AGBL4: variants seen among roughly 807,000 people sequenced by gnomAD.
AGBL4 encodes the protein AGBL carboxypeptidase 4.
A neutral mutation model predicts 66.4 loss-of-function variants in AGBL4; 58 were observed. That is an observed-to-expected ratio of 0.87 (90% confidence interval 0.71 to 1.09). The LOEUF is 1.09. AGBL4 is among the 50% of genes least tolerant of loss of function. The pLI is 0.00. For missense variants in AGBL4, 579 were observed against 631.0 expected (o/e 0.92, Z 0.88); for synonymous variants, 234 against 222.9 (o/e 1.05, Z -0.44).
At chr1:49,107,694 TGAGAGAGAGAGAGAGAGAGAGAGA>T (rs56321932) in intron 4 of AGBL4, among the ~76,000 whole-genome samples, 2 of 113,944 alleles carry the variant, frequency 1.8e-5, no homozygotes, top group African/African-American at 3.9e-5. Flanking sequence ...TGTGTGTGTG[TGAGAGAGAGAGAGAGAGAGAGAGA>T]GAGAGAGAGA....
At chr1:49,975,475 T>A (rs1658480389) in intron 1 of AGBL4, among the ~76,000 whole-genome samples, 1 of 152,180 alleles carries the variant, frequency 6.6e-6, no homozygotes, top group Non-Finnish European at 1.5e-5. Context: ...AAGTAACCAA[T>A]GAAATTCCAC....
chr1:49,405,719 A>AT (rs1200847679), intron 3 of AGBL4, among the ~76,000 whole-genome samples: 1 of 152,212 alleles, frequency 6.6e-6, no homozygotes, highest in Admixed American at 6.5e-5. Flanking sequence ...TGAGTGACAG[A>AT]TTTTGGCCTC....
At chr1:49,613,068 T>C (rs1372512413) in intron 3 of AGBL4, among the ~76,000 whole-genome samples, 2 of 152,156 alleles carry the variant, frequency 1.3e-5, no homozygotes, top group African/African-American at 4.8e-5. Flanking sequence ...AATGAAATCA[T>C]GTATTCTGCA....
intron 4 of AGBL4, among the ~76,000 whole-genome samples, chr1:49,212,331 G>A (rs192575316): frequency 6.6e-6 from 1 of 152,154 alleles, no homozygotes; most frequent in Admixed American, 6.5e-5. Flanking sequence ...CCCATTAGTT[G>A]CAATTCAACA....
At chr1:48,844,034 G>A (rs1315928694) in intron 6 of AGBL4, among the ~76,000 whole-genome samples, 1 of 152,104 alleles carries the variant, frequency 6.6e-6, no homozygotes, top group African/African-American at 2.4e-5. Flanking sequence ...TTATTCCTAA[G>A]CTGTAGAGCT....
intron 2 of AGBL4, among the ~76,000 whole-genome samples, chr1:49,843,576 T>A (rs557893092): frequency 6.6e-6 from 1 of 152,302 alleles, no homozygotes; most frequent in South Asian, 2.1e-4. Context: ...TTCTGCCTCT[T>A]TTCCACATTT....
At chr1:49,889,661 G>A (rs762850782) in intron 1 of AGBL4, among the ~76,000 whole-genome samples, 1 of 152,064 alleles carries the variant, frequency 6.6e-6, no homozygotes, top group Admixed American at 6.6e-5. Flanking sequence ...GGAGGCTGAT[G>A]CAGGAGAATC....
At chr1:48,975,984 CTTTG>C (rs1055355929) in intron 5 of AGBL4, among the ~76,000 whole-genome samples, 2 of 152,068 alleles carry the variant, frequency 1.3e-5, no homozygotes, top group African/African-American at 4.8e-5. Flanking sequence ...TGGTTGTCCA[CTTTG>C]TTTGAACAGA....
chr1:49,562,626 T>TGA (rs1244477817), intron 3 of AGBL4, among the ~76,000 whole-genome samples: 13 of 152,122 alleles, frequency 8.5e-5, no homozygotes, highest in African/African-American at 4.8e-5. Context: ...TGTAGATATA[T>TGA]GGCATTATTT....
At chr1:48,900,036 T>C (rs3127565) in intron 5 of AGBL4, among the ~76,000 whole-genome samples, 51,672 of 151,876 alleles carry the variant, frequency 0.34, 9,262 homozygotes, top group East Asian at 0.71. Flanking sequence ...GAGGGGCATT[T>C]GGAGTTATGA....
At chr1:49,709,272 A>G (rs931578972) in intron 2 of AGBL4, among the ~76,000 whole-genome samples, 2 of 152,216 alleles carry the variant, frequency 1.3e-5, no homozygotes, top group Admixed American at 1.3e-4. Context: ...GGAGGAATCT[A>G]GAGAGGCAGT....
intron 1 of AGBL4, among the ~76,000 whole-genome samples, chr1:49,858,745 G>A (rs1339263023): frequency 1.3e-5 from 2 of 152,084 alleles, no homozygotes; most frequent in Non-Finnish European, 2.9e-5. Flanking sequence ...GGCCAGGCAA[G>A]GTGCCTCACA....
At chr1:49,315,297 G>T (rs1220163482) in intron 3 of AGBL4, among the ~76,000 whole-genome samples, 1 of 152,106 alleles carries the variant, frequency 6.6e-6, no homozygotes, top group African/African-American at 2.4e-5. Context: ...AACCCTAGAA[G>T]AAAACCTAGG....
chr1:49,637,500 A>G (rs1021015809), intron 3 of AGBL4, among the ~76,000 whole-genome samples: 1 of 151,838 alleles, frequency 6.6e-6, no homozygotes, highest in African/African-American at 2.4e-5. Context: ...ACAGGGTTTC[A>G]CCATGTGGGC....
chr1:49,043,810 G>T (rs1644008044), intron 5 of AGBL4, among the ~76,000 whole-genome samples: 1 of 152,168 alleles, frequency 6.6e-6, no homozygotes, highest in South Asian at 2.1e-4. Flanking sequence ...AACATGACCA[G>T]ATTTGTCTCT....
Position 48,690,051 on chromosome 1 carries a change from A to G in AGBL4, c.635-26810T>C, listed in dbSNP as rs370125129. ...TTTTTGGGGGTCTCCCCACCACACC[A>G]TCAGCACCTCGAGGTCAAGAGGGCA... On this transcript the variant is annotated intron_variant, in intron 6 of 13. Transcript: ENST00000371839. 2.0e-4 allele frequency among the ~76,000 whole-genome samples: 31 copies of G among 152,374 alleles called. 1 individual carries two copies. In the East Asian group the frequency reaches 3.9e-3, roughly 19 times the overall value.
At chr1:49,294,906 C>T (rs1328599936) in intron 3 of AGBL4, among the ~76,000 whole-genome samples, 4 of 152,194 alleles carry the variant, frequency 2.6e-5, no homozygotes, top group Non-Finnish European at 5.9e-5. Flanking sequence ...GTTTACTTGT[C>T]TGCATCCCTC....
chr1:49,695,250 ATTGT>A (rs1273253738), intron 3 of AGBL4, among the ~76,000 whole-genome samples: 2 of 152,114 alleles, frequency 1.3e-5, no homozygotes, highest in Admixed American at 6.6e-5. Context: ...CTTCAGAATT[ATTGT>A]TTGTTTTCCA....
At chr1:48,946,119 C>T (rs1275076325) in intron 5 of AGBL4, among the ~76,000 whole-genome samples, 1 of 152,142 alleles carries the variant, frequency 6.6e-6, no homozygotes, top group African/African-American at 2.4e-5. Flanking sequence ...ACTACTTCTC[C>T]CGTTACTCCT....
Sources: allele counts gnomAD v4.1 joint callset (sites outside exome capture counted in the v4.1 genomes callset), GRCh38; gene constraint gnomAD v4.1.1; transcripts MANE v1.5; gene names NCBI Gene and HGNC (gene_info 2026-07-23, HGNC 2026-07-21).